MAPKAP1: variants seen among roughly 807,000 people sequenced by gnomAD.
MAPKAP1 encodes target of rapamycin complex 2 subunit MAPKAP1.
A neutral mutation model predicts 65.7 loss-of-function variants in MAPKAP1; 20 were observed. That is an observed-to-expected ratio of 0.30 (90% CI 0.21 to 0.44). The LOEUF (loss-of-function observed/expected upper bound fraction) is 0.44, where lower values mean the gene tolerates loss of function less well. MAPKAP1 is among the 20% of genes least tolerant of loss of function. MAPKAP1 has a pLI of 1.00. For synonymous variants in MAPKAP1, 222 were observed against 244.3 expected (o/e 0.91, Z 0.85); for missense variants, 423 against 648.0 (o/e 0.65, Z 3.77).
chr9:125,584,990 G>A (rs763545612), intron 5 of MAPKAP1, among the ~76,000 whole-genome samples: 1 of 152,136 alleles, frequency 6.6e-6, no homozygotes, highest in African/African-American at 2.4e-5. Context: ...AACTGATAAA[G>A]AAAACTAAAA....
At chr9:125,583,595 A>G (rs907469548) in intron 5 of MAPKAP1, among the ~76,000 whole-genome samples, 1 of 152,232 alleles carries the variant, frequency 6.6e-6, no homozygotes. Flanking sequence ...GTTGGGTTTT[A>G]ATACTAATAC....
chr9:125,577,769 C>A (rs1188733389), intron 5 of MAPKAP1, among the ~76,000 whole-genome samples: 1 of 139,116 alleles, frequency 7.2e-6, no homozygotes, highest in African/African-American at 2.7e-5. Flanking sequence ...AAGTGAGGAG[C>A]CCCTCTGCCG....
intron 4 of MAPKAP1, among the ~76,000 whole-genome samples, chr9:125,589,857 C>T (rs142664792): frequency 4.2e-4 from 64 of 152,292 alleles, no homozygotes; most frequent in African/African-American, 1.2e-3. Flanking sequence ...CTCTCTGTCT[C>T]GTATGCAAAC....
At chr9:125,563,702 G>A (rs1231038843) in intron 5 of MAPKAP1, among the ~76,000 whole-genome samples, 1 of 112,416 alleles carries the variant, frequency 8.9e-6, no homozygotes, top group East Asian at 2.5e-4. Context: ...AAAGCAAAGG[G>A]TATTATTATT....
At chr9:125,665,072 C>T (rs889898582) in intron 3 of MAPKAP1, among the ~76,000 whole-genome samples, 4 of 152,082 alleles carry the variant, frequency 2.6e-5, no homozygotes, top group Non-Finnish European at 2.9e-5. Flanking sequence ...GAGGCCGAGG[C>T]GGGCGGATCA....
chr9:125,618,274 T>C (rs1589347257), intron 4 of MAPKAP1, among the ~76,000 whole-genome samples: 1 of 127,114 alleles, frequency 7.9e-6, no homozygotes, highest in Admixed American at 1.0e-4. Flanking sequence ...CCTGGAAGGG[T>C]GAGGTTGCAG....
intron 9 of MAPKAP1, among the ~76,000 whole-genome samples, chr9:125,474,010 T>G (rs1854017342): frequency 6.6e-6 from 1 of 152,148 alleles, no homozygotes; most frequent in Admixed American, 6.5e-5. Flanking sequence ...GCCTGATACA[T>G]AGCTAGCGAT....
intron 4 of MAPKAP1, among the ~76,000 whole-genome samples, chr9:125,614,364 T>G (rs117653938): frequency 3.7e-4 from 56 of 152,302 alleles, no homozygotes; most frequent in Admixed American, 2.4e-3. Flanking sequence ...TGGCTCATAC[T>G]TGTAATCCCA....
At position 125,516,356 on chromosome 9, in the gene MAPKAP1, C is replaced by G. The variant is rs528344182; in HGVS notation, c.959-9939G>C. ...GTCAGCTAAAACCAGAAATTAAAGA[C>G]AAAGACTGGAAGAGGCCTAATTTTT... is the stretch of plus-strand genomic sequence containing the variant. On this transcript the variant is annotated intron_variant, in intron 7 of 11. Transcript: ENST00000265960. Among the ~76,000 whole-genome samples the G allele has an allele frequency of 1.5e-3, 233 of 152,240 alleles. 1 individual carries two copies. Among genetic ancestry groups the G allele is most frequent in the Non-Finnish European group, 2.5e-3 (168 of 68,004 alleles).
intron 9 of MAPKAP1, among the ~76,000 whole-genome samples, chr9:125,472,709 A>AATACAAG (rs1417532394): frequency 6.6e-6 from 1 of 152,228 alleles, no homozygotes; most frequent in Non-Finnish European, 1.5e-5. Flanking sequence ...ACAATGATGA[A>AATACAAG]ATACAAGATA....
intron 8 of MAPKAP1, 22 bp downstream of exon 8, chr9:125,506,288 T>C: frequency 6.3e-7 from 1 of 1,598,376 alleles, no homozygotes. Flanking sequence ...AAAGCGGGCA[T>C]GGAGCGAGGC....
chr9:125,464,618 C>T (rs1026358061), intron 10 of MAPKAP1, among the ~76,000 whole-genome samples: 1 of 152,190 alleles, frequency 6.6e-6, no homozygotes, highest in Non-Finnish European at 1.5e-5. Flanking sequence ...CTTAAACACT[C>T]ACAGGGACAG....
At chr9:125,620,777 A>G (rs1014100774) in intron 4 of MAPKAP1, among the ~76,000 whole-genome samples, 1 of 152,206 alleles carries the variant, frequency 6.6e-6, no homozygotes, top group African/African-American at 2.4e-5. Flanking sequence ...AATATGCTAC[A>G]TGTTGTGTAA....
chr9:125,458,220 T>G (rs1853270188), intron 10 of MAPKAP1, among the ~76,000 whole-genome samples: 1 of 120,196 alleles, frequency 8.3e-6, no homozygotes, highest in African/African-American at 2.7e-5. Context: ...ATGGAGTCTT[T>G]TTTTTTTTTT....
intron 6 of MAPKAP1, among the ~76,000 whole-genome samples, chr9:125,554,408 T>C (rs1366839145): frequency 5.3e-5 from 8 of 152,190 alleles, no homozygotes; most frequent in African/African-American, 1.7e-4. Flanking sequence ...GGAGTGCTCA[T>C]AGATTCAGGA....
chr9:125,621,208 G>A (rs899782636), intron 4 of MAPKAP1, among the ~76,000 whole-genome samples: 1 of 151,932 alleles, frequency 6.6e-6, no homozygotes, highest in Non-Finnish European at 1.5e-5. Flanking sequence ...TGAGGTTGAG[G>A]CTGCAGTGAG....
At chr9:125,652,181 C>T (rs1250455330) in intron 4 of MAPKAP1, 1 of 1,320,756 alleles carries the variant, frequency 7.6e-7, no homozygotes, top group East Asian at 4.7e-5. Context: ...AAGTGACTTT[C>T]TTTGAAGAGA....
intron 4 of MAPKAP1, among the ~76,000 whole-genome samples, chr9:125,616,724 G>GCA (rs137885933): frequency 0.011 from 1,700 of 152,194 alleles, 40 homozygotes; most frequent in African/African-American, 0.038. Context: ...TGCTGGAGGG[G>GCA]CACACATGGG....
intron 11 of MAPKAP1, among the ~76,000 whole-genome samples, chr9:125,442,730 T>G (rs1852542238): frequency 6.6e-6 from 1 of 152,186 alleles, no homozygotes; most frequent in African/African-American, 2.4e-5. Context: ...CTGATCAGGC[T>G]GGTCTATGAA....
Sources: allele counts gnomAD v4.1 joint callset (sites outside exome capture counted in the v4.1 genomes callset), GRCh38; gene constraint gnomAD v4.1.1; transcripts MANE v1.5; gene names NCBI Gene and HGNC (gene_info 2026-07-23, HGNC 2026-07-21).